The following GALNT14 variants were observed in gnomAD, a reference collection of about 807,000 sequenced individuals.
GALNT14 encodes polypeptide N-acetylgalactosaminyltransferase 14, also known as UDP-GalNAc:polypeptide N-acetylgalactosaminyltransferase 14.
In GALNT14, 60 loss-of-function variants were observed where a neutral mutation model predicts 77.5. The observed-to-expected ratio is 0.77, with a 90% CI of 0.63 to 0.96. The LOEUF is 0.96. GALNT14 is among the 40% of genes least tolerant of loss of function. GALNT14 has a pLI of 0.00. For synonymous variants in GALNT14, 280 were observed against 281.7 expected, an observed-to-expected ratio of 0.99 and a Z score of 0.06; for missense variants, 710 against 731.0, an observed-to-expected ratio of 0.97 and a Z score of 0.33.
At chr2:30,969,089 G>T (rs1360596853) in intron 2 of GALNT14, among the ~76,000 whole-genome samples, 1 of 152,186 alleles carries the variant, frequency 6.6e-6, no homozygotes, top group Non-Finnish European at 1.5e-5. Flanking sequence ...GGATGTCAGG[G>T]AGGAGGGCCA....
chr2:31,098,884 A>G (rs922097035), intron 1 of GALNT14, among the ~76,000 whole-genome samples: 3 of 152,128 alleles, frequency 2.0e-5, no homozygotes, highest in Non-Finnish European at 2.9e-5. Context: ...TATATTTACT[A>G]TTCAGTAAGC....
chr2:30,966,178 C>A (rs1319811002), intron 3 of GALNT14, 26 bp downstream of exon 3: 1 of 1,598,732 alleles, frequency 6.3e-7, no homozygotes, highest in South Asian at 1.1e-5. Context: ...CCAGAGCTGG[C>A]CAACAGACAA....
chr2:30,905,437 G>A, the GALNT14 span, among the ~76,000 whole-genome samples: 4 of 152,042 alleles, frequency 2.6e-5, no homozygotes, highest in South Asian at 4.2e-4. Context: ...GAGCCGATGC[G>A]ATCAACTGGA....
intron 2 of GALNT14, among the ~76,000 whole-genome samples, chr2:30,985,354 G>A (rs530527474): frequency 1.3e-5 from 2 of 152,192 alleles, no homozygotes; most frequent in Non-Finnish European, 2.9e-5. Flanking sequence ...GGCACTCAAA[G>A]AACACAGGAG....
At chr2:30,988,231 TACTC>T (rs1387914511) in intron 2 of GALNT14, among the ~76,000 whole-genome samples, 1 of 152,186 alleles carries the variant, frequency 6.6e-6, no homozygotes, top group African/African-American at 2.4e-5. Context: ...CTCAACATGT[TACTC>T]ACCCCAGAGG....
At chr2:30,936,333 G>A (rs980981935) in intron 9 of GALNT14, among the ~76,000 whole-genome samples, 3 of 152,060 alleles carry the variant, frequency 2.0e-5, no homozygotes, top group Non-Finnish European at 2.9e-5. Flanking sequence ...TTCTCTCCAG[G>A]AAGCAAACCA....
At chr2:31,120,105 G>A (rs1280924317) in intron 1 of GALNT14, among the ~76,000 whole-genome samples, 7 of 70,422 alleles carry the variant, frequency 9.9e-5, no homozygotes, top group African/African-American at 2.5e-4. Flanking sequence ...GCAGTGAGCC[G>A]AGATCGCGCC....
intron 1 of GALNT14, among the ~76,000 whole-genome samples, chr2:31,002,611 T>TA (rs1670433327): frequency 6.6e-6 from 1 of 152,128 alleles, no homozygotes; most frequent in African/African-American, 2.4e-5. Context: ...GTCCAGCCAG[T>TA]TAGGGAGTGA....
At chr2:31,124,772 G>A (rs1678616140) in intron 1 of GALNT14, among the ~76,000 whole-genome samples, 1 of 152,176 alleles carries the variant, frequency 6.6e-6, no homozygotes, top group Non-Finnish European at 1.5e-5. Context: ...GGTAGCAGTC[G>A]CTGAATCTCA....
At chr2:30,891,835 G>C in the GALNT14 span, among the ~76,000 whole-genome samples, 3 of 152,044 alleles carry the variant, frequency 2.0e-5, no homozygotes, top group African/African-American at 7.2e-5. Context: ...AAGAGGCTTT[G>C]GTTTATCAAA....
At chr2:30,974,190 T>G (rs1331389775) in intron 2 of GALNT14, among the ~76,000 whole-genome samples, 1 of 152,208 alleles carries the variant, frequency 6.6e-6, no homozygotes, top group Non-Finnish European at 1.5e-5. Context: ...CCAAGAGATA[T>G]TCTCTAATCC....
intron 1 of GALNT14, among the ~76,000 whole-genome samples, chr2:31,103,182 A>T (rs1558570830): frequency 6.6e-6 from 1 of 151,780 alleles, no homozygotes; most frequent in Non-Finnish European, 1.5e-5. Context: ...TCTTGGCATT[A>T]TTTTCGTCTT....
the GALNT14 span, among the ~76,000 whole-genome samples, chr2:30,902,788 G>A: frequency 6.6e-6 from 1 of 152,114 alleles, no homozygotes; most frequent in African/African-American, 2.4e-5. Flanking sequence ...TTGCCACCAG[G>A]GAGCTCAAAG....
chr2:31,088,918 C>T (rs1160743796), intron 1 of GALNT14, among the ~76,000 whole-genome samples: 3 of 152,110 alleles, frequency 2.0e-5, no homozygotes, highest in Non-Finnish European at 4.4e-5. Context: ...ATCCTCCATT[C>T]TAGCAAGAGG....
chr2:30,926,211 AGTGCATGATG>A (rs1391518080), intron 11 of GALNT14, among the ~76,000 whole-genome samples: 2 of 152,214 alleles, frequency 1.3e-5, no homozygotes, highest in Non-Finnish European at 2.9e-5. Flanking sequence ...CTGTGTGCTC[AGTGCATGATG>A]GTGCAGTGTT....
At chr2:30,947,739 T>C (rs1220689140) in intron 6 of GALNT14, among the ~76,000 whole-genome samples, 1 of 152,210 alleles carries the variant, frequency 6.6e-6, no homozygotes, top group Admixed American at 6.5e-5. Flanking sequence ...CCTGGTTCAT[T>C]CTTTCCCCCA....
intron 1 of GALNT14, among the ~76,000 whole-genome samples, chr2:31,107,290 C>G (rs942542302): frequency 3.3e-5 from 5 of 152,122 alleles, no homozygotes; most frequent in Non-Finnish European, 7.4e-5. Flanking sequence ...TGCTTTGCCT[C>G]TTCAGGATGC....
intron 2 of GALNT14, among the ~76,000 whole-genome samples, chr2:30,984,235 A>G (rs1298466410): frequency 6.6e-6 from 1 of 152,160 alleles, no homozygotes; most frequent in Non-Finnish European, 1.5e-5. Flanking sequence ...GAGGATGAAA[A>G]TGCTTTCAGG....
intron 9 of GALNT14, among the ~76,000 whole-genome samples, chr2:30,933,711 G>A (rs1327069840): frequency 6.6e-6 from 1 of 152,190 alleles, no homozygotes; most frequent in Non-Finnish European, 1.5e-5. Flanking sequence ...TAACATGGGG[G>A]AAAGGAAACA....
Sources: allele counts gnomAD v4.1 joint callset (sites outside exome capture counted in the v4.1 genomes callset), GRCh38; gene constraint gnomAD v4.1.1; transcripts MANE v1.5; gene names NCBI Gene and HGNC (gene_info 2026-07-23, HGNC 2026-07-21).